SUN1: variants seen among roughly 807,000 people sequenced by gnomAD.
SUN1 encodes the protein SUN domain-containing protein 1.
SUN1 carries 61 observed loss-of-function variants against 103.2 expected under a neutral mutation model. The ratio of observed to expected loss-of-function variants is 0.59; its 90% confidence interval spans 0.48 to 0.73. The LOEUF (loss-of-function observed/expected upper bound fraction) is 0.73. Ranked by LOEUF, SUN1 falls within the 30% of genes least tolerant of loss-of-function variation. SUN1 has a pLI of 0.00. For missense variants in SUN1, 1,052 were observed against 1,034.6 expected, an observed-to-expected ratio of 1.02 and a Z score of -0.23; for synonymous variants, 490 against 425.7, an observed-to-expected ratio of 1.15 and a Z score of -1.86.
rs1033442349 is a variant in SUN1, at chr7:852,103, C to T, written c.851+60C>T. On this transcript the variant is annotated intron_variant, in intron 7 of 18. Coordinates refer to ENST00000401592, the MANE Select transcript of SUN1 (RefSeq NM_001130965.3). ...TAAGGAACCAATTTTGTGCCAATTG[C>T]AGGCTCTCATTTGATTTGTTATTTT... 21 of 1,391,594 alleles carry T rather than the reference C, an allele frequency of 1.5e-5. No homozygotes were observed. In the East Asian group the frequency reaches 4.3e-4, roughly 29 times the overall value. The allele number at this position is 1,391,594 out of a possible 1,614,324, so 86.2% of individuals were successfully genotyped here.
chr7:866,453 G>A (rs992223622), intron 16 of SUN1, among the ~76,000 whole-genome samples: 23 of 152,068 alleles, frequency 1.5e-4, no homozygotes, highest in African/African-American at 5.6e-4. Context: ...TAGGTGGGGA[G>A]GCCCTAGCTG....
chr7:858,339 G>A (rs1368841047), intron 13 of SUN1, among the ~76,000 whole-genome samples: 1 of 151,992 alleles, frequency 6.6e-6, no homozygotes, highest in Non-Finnish European at 1.5e-5. Context: ...ACAGGCCTGA[G>A]CCACCCACCA....
At chr7:838,436 C>T (rs1483119162) in intron 1 of SUN1, among the ~76,000 whole-genome samples, 2 of 152,132 alleles carry the variant, frequency 1.3e-5, no homozygotes, top group Admixed American at 6.5e-5. Context: ...CTCACGTCCG[C>T]GTAGTGTTGA....
rs776447528 is a variant in SUN1, at chr7:851,941, C to A, written c.758-9C>A. 261 of 1,613,440 alleles carry A rather than the reference C, an allele frequency of 1.6e-4. 4 individuals carry two copies. In the South Asian group the frequency reaches 2.7e-3, roughly 17 times the overall value. ...ATTTCCTTAGAATGTTTGGTGTTTT[C>A]TCTTGTAGGGAAGGCAGCCTCTGGA... On this transcript the variant is annotated splice_polypyrimidine_tract_variant and intron_variant, in intron 6 of 18. Coordinates refer to ENST00000401592, the MANE Select transcript of SUN1 (RefSeq NM_001130965.3).
rs777342139 is a variant in SUN1 at position 843,390 on chromosome 7, C to A, written c.528C>A (p.Ala176=). 1 of 1,610,430 alleles carries A rather than the reference C, an allele frequency of 6.2e-7. No individual in the cohort carries two copies. The highest frequency in any genetic ancestry group is 8.5e-7 in the Non-Finnish European group (1 of 1,177,844). Residue 176 remains alanine, a synonymous_variant, in exon 5 of 19, where the codon GCC becomes GCA. Coordinates refer to ENST00000401592, the MANE Select transcript of SUN1 (RefSeq NM_001130965.3). ...GAAACGGGGATGTGGGAGCCGCCGC[C>A]GCCACCGCGCACAACGGCTTCTCCT... ...IQGNGDVGAA[A]ATAHNGFSCS... is the part of the protein sequence containing the mutation.
chr7:827,572 C>T (rs923181183), upstream of SUN1, among the ~76,000 whole-genome samples: 13 of 151,398 alleles, frequency 8.6e-5, no homozygotes, highest in African/African-American at 2.7e-4. Context: ...CGGGTTCACG[C>T]CATTCTCCCG....
At chr7:847,221 C>G (rs1816731216) in intron 5 of SUN1, among the ~76,000 whole-genome samples, 1 of 152,004 alleles carries the variant, frequency 6.6e-6, no homozygotes, top group Non-Finnish European at 1.5e-5. Context: ...TGGCGGCCTT[C>G]CCCTGGGGGT....
At chr7:848,344 G>A (rs190312764) in intron 5 of SUN1, 11 of 1,227,268 alleles carry the variant, frequency 9.0e-6, no homozygotes, top group South Asian at 1.3e-5. Context: ...TGAATAATTT[G>A]GCTACCTGAC....
chr7:867,935 C>G (rs918567234), intron 16 of SUN1, among the ~76,000 whole-genome samples: 14 of 152,190 alleles, frequency 9.2e-5, no homozygotes, highest in African/African-American at 3.4e-4. Context: ...GCAACACCCC[C>G]AAGAGGGGTA....
At chr7:827,652 G>A (rs1036188768), upstream of SUN1, among the ~76,000 whole-genome samples, 1 of 151,302 alleles carries the variant, frequency 6.6e-6, no homozygotes, top group Admixed American at 6.6e-5. Flanking sequence ...TGTATTTTTA[G>A]TAGAGATGGG....
At chr7:842,186 T>G in intron 3 of SUN1, 56 bp downstream of exon 3, 1 of 1,580,266 alleles carries the variant, frequency 6.3e-7, no homozygotes, top group Non-Finnish European at 8.6e-7. Context: ...TTTCTCAGAT[T>G]ATGCTGGGGA....
intron 9 of SUN1, 131 bp from the exon 10 acceptor site, chr7:853,278 T>C (rs898523078): frequency 1.9e-6 from 2 of 1,045,212 alleles, no homozygotes; most frequent in Non-Finnish European, 2.8e-6. Flanking sequence ...CGGGTTTCTG[T>C]GGATTCCTCC....
At chr7:859,999 A>G (rs908870652) in intron 13 of SUN1, 129 bp from the exon 14 acceptor site, 3 of 1,220,932 alleles carry the variant, frequency 2.5e-6, no homozygotes, top group South Asian at 3.1e-5. Context: ...GAAGGAAAAC[A>G]CTGTCACAAT....
intron 7 of SUN1, 63 bp downstream of exon 7, chr7:852,106 G>A: frequency 2.9e-6 from 4 of 1,362,426 alleles, no homozygotes; most frequent in Non-Finnish European, 4.2e-6. Flanking sequence ...CCAATTGCAG[G>A]CTCTCATTTG....
At chr7:839,152 G>A (rs1806500271) in intron 2 of SUN1, 166 bp downstream of exon 2, 3 of 593,666 alleles carry the variant, frequency 5.1e-6, no homozygotes, top group Non-Finnish European at 7.9e-6. Context: ...GTAGTTTGCT[G>A]CAAATAAAGA....
chr7:870,055 A>C (rs1307136504), intron 17 of SUN1, among the ~76,000 whole-genome samples: 1 of 151,174 alleles, frequency 6.6e-6, no homozygotes, highest in Non-Finnish European at 1.5e-5. Flanking sequence ...AAAAAAAAAA[A>C]ATGAGCCAGG....
intron 5 of SUN1, chr7:849,860 G>C (rs1299628537): frequency 6.6e-7 from 1 of 1,521,032 alleles, no homozygotes; most frequent in African/African-American, 1.4e-5. Context: ...GCTATGCACG[G>C]CTGAGATGGA....
chr7:865,828 C>A, intron 15 of SUN1, 124 bp from the exon 16 acceptor site: 1 of 731,698 alleles, frequency 1.4e-6, no homozygotes, highest in South Asian at 1.7e-5. Flanking sequence ...TTGCATTTCT[C>A]TGAATATCAG....
chr7:860,418 G>A, intron 14 of SUN1, 36 bp downstream of exon 14: 1 of 1,605,310 alleles, frequency 6.2e-7, no homozygotes, highest in Non-Finnish European at 8.5e-7. Flanking sequence ...GATGCTTACA[G>A]TCCATTCTGT....
Sources: gnomAD v4.1 joint callset for allele counts (sites outside exome capture counted in the v4.1 genomes callset) on GRCh38, gnomAD v4.1.1 for gene constraint, MANE v1.5 for transcripts, NCBI Gene and HGNC (gene_info 2026-07-23, HGNC 2026-07-21) for gene names.